The following LVRN variants were observed in gnomAD, a reference collection of about 807,000 sequenced individuals.
LVRN encodes the protein laeverin, also known as aminopeptidase Q.
Under a neutral mutation model 111.4 loss-of-function variants are expected in LVRN, and 99 were observed. The observed-to-expected ratio is 0.89, with a 90% CI of 0.76 to 1.05. The LOEUF (loss-of-function observed/expected upper bound fraction) is 1.05. Among genes scored for constraint, LVRN ranks in the 50% least tolerant of loss-of-function variants. The pLI is 0.00. For synonymous variants in LVRN, 488 were observed against 449.5 expected (o/e 1.09, Z -1.08); for missense variants, 1,414 against 1,206.8 (o/e 1.17, Z -2.54).
At chr5:115,974,243 T>C (rs1306521285) in intron 1 of LVRN, among the ~76,000 whole-genome samples, 1 of 152,230 alleles carries the variant, frequency 6.6e-6, no homozygotes, top group East Asian at 1.9e-4. Context: ...AAAAGGCTTA[T>C]GTATTTATAA....
intron 19 of LVRN, chr5:116,023,728 C>A (rs1297139271): frequency 6.6e-6 from 1 of 152,082 alleles, no homozygotes; most frequent in African/African-American, 2.4e-5. Flanking sequence ...TAAATACAAC[C>A]TCTACACACC....
intron 7 of LVRN, 60 bp downstream of exon 7, chr5:115,999,962 G>C (rs1748202536): frequency 6.6e-7 from 1 of 1,520,382 alleles, no homozygotes; most frequent in African/African-American, 1.4e-5. Context: ...GCATAAAATG[G>C]ATTCTAAGGG....
intron 1 of LVRN, among the ~76,000 whole-genome samples, chr5:115,981,827 G>T (rs1180275880): frequency 6.6e-6 from 1 of 152,086 alleles, no homozygotes; most frequent in Non-Finnish European, 1.5e-5. Flanking sequence ...TAGTTCATCT[G>T]TATCAAGAAT....
chr5:115,978,655 T>G lies in LVRN; in HGVS notation c.696-4632T>G, dbSNP rs370355815. On this transcript the variant is annotated intron_variant, in intron 1 of 19. Coordinates refer to ENST00000357872, the MANE Select transcript of LVRN (RefSeq NM_173800.5). ...AAACCTCTTTCTCTCCCACCTCCAT[T>G]TTTCTCCCATCTTCCACTCCCTACT... Among the ~76,000 whole-genome samples the G allele has an allele frequency of 2.0e-5, 3 of 152,280 alleles. No individual in the cohort carries two copies. The East Asian group carries it at 5.8e-4, about 29-fold the overall frequency.
intron 1 of LVRN, among the ~76,000 whole-genome samples, chr5:115,983,040 T>G (rs1279089838): frequency 6.6e-6 from 1 of 152,196 alleles, no homozygotes; most frequent in Admixed American, 6.5e-5. Flanking sequence ...AGGTTTACGA[T>G]GTAATAAAAC....
At chr5:116,001,883 T>G (rs561517111) in intron 10 of LVRN, among the ~76,000 whole-genome samples, 33 of 152,318 alleles carry the variant, frequency 2.2e-4, no homozygotes, top group African/African-American at 7.9e-4. Flanking sequence ...CCCAATAGAT[T>G]GTGTAAAAGT....
chr5:116,022,457 G>A lies in LVRN; in HGVS notation c.2823G>A (p.Gln941=). The A allele has an allele frequency of 6.5e-7, 1 of 1,548,054 alleles. No homozygotes were observed. The highest frequency in any genetic ancestry group is 1.7e-4 in the Middle Eastern group (1 of 5,880). Residue 941 remains glutamine (Q), a synonymous_variant, in exon 19 of 20, where the codon CAG becomes CAA. Transcript: ENST00000357872. ...GGAGAACCGTAACTACAGATTTACA[G>A]ATTGTGGAGGTAAGTACTTTAAATA... The part of the protein sequence containing the change: ...TIGRTVTTDL[Q]IVELQQFFSN...
chr5:115,972,630 A>C (rs1032949557), intron 1 of LVRN, among the ~76,000 whole-genome samples: 2 of 152,002 alleles, frequency 1.3e-5, no homozygotes, highest in African/African-American at 4.8e-5. Context: ...TACAACACTG[A>C]ATAGAAAAAG....
In LVRN at chr5:116,026,116, T is replaced by G; in HGVS notation, c.2971T>G (p.Ter991GluextTer13). 1 of 1,613,686 alleles carries G rather than the reference T, an allele frequency of 6.2e-7. No homozygotes were observed. Among genetic ancestry groups the G allele is most frequent in the Non-Finnish European group, 8.5e-7 (1 of 1,179,742 alleles). ...AGCTGCGTGGCTAAGGAGAAACACA[T>G]AGCTTGTGGCTATCTTTCAGCACTC... is the stretch of plus-strand genomic sequence containing the variant. Reference protein sequence around the residue: ...RIAAWLRRNT* With the variant: ...RIAAWLRRNTE Residue 991 changes from the stop codon to glutamate (E), a stop_lost, in exon 20 of 20, where the codon TAG (stop) becomes GAG (glutamate). Coordinates refer to ENST00000357872, the MANE Select transcript of LVRN (RefSeq NM_173800.5).
intron 1 of LVRN, among the ~76,000 whole-genome samples, chr5:115,977,783 T>C (rs541459429): frequency 1.3e-5 from 2 of 152,326 alleles, no homozygotes; most frequent in South Asian, 4.1e-4. Context: ...ATTAAGATGG[T>C]GGGACTCTTT....
chr5:115,997,091 T>C (rs749027993), intron 6 of LVRN, among the ~76,000 whole-genome samples: 1 of 152,182 alleles, frequency 6.6e-6, no homozygotes, highest in Non-Finnish European at 1.5e-5. Flanking sequence ...TAACCCTTAT[T>C]GAGCATGTCC....
chr5:116,002,325 A>C (rs1190526391), intron 10 of LVRN, among the ~76,000 whole-genome samples: 2 of 152,240 alleles, frequency 1.3e-5, no homozygotes, highest in Non-Finnish European at 2.9e-5. Flanking sequence ...GGTAGCGTCC[A>C]GCAATGTGGG....
At chr5:115,972,150 G>GAT (rs1283596871) in intron 1 of LVRN, among the ~76,000 whole-genome samples, 2 of 151,968 alleles carry the variant, frequency 1.3e-5, no homozygotes, top group Non-Finnish European at 2.9e-5. Context: ...CCAAAAGTTT[G>GAT]ATATATATAA....
At chr5:116,009,003 T>A (rs151256098) in intron 13 of LVRN, among the ~76,000 whole-genome samples, 1 of 152,360 alleles carries the variant, frequency 6.6e-6, no homozygotes, top group African/African-American at 2.4e-5. Context: ...CTTTTATAGC[T>A]AGAGAGGACA....
chr5:116,006,785 A>G (rs559193982), intron 13 of LVRN, among the ~76,000 whole-genome samples: 94 of 152,300 alleles, frequency 6.2e-4, no homozygotes, highest in African/African-American at 2.2e-3. Flanking sequence ...TTGCGGAAGG[A>G]CATGTTGATG....
chr5:115,971,928 A>G (rs1256630534), intron 1 of LVRN, among the ~76,000 whole-genome samples: 2 of 148,958 alleles, frequency 1.3e-5, no homozygotes, highest in Admixed American at 6.8e-5. Context: ...CAAATGTTAA[A>G]AATATTGAAG....
Position 116,010,790 on chromosome 5 carries a change from G to C in LVRN, c.2143G>C (p.Ala715Pro), listed in dbSNP as rs1300345978. The C allele has an allele frequency of 6.2e-7, 1 of 1,610,472 alleles. No individual in the cohort carries two copies. Among genetic ancestry groups the C allele is most frequent in the Non-Finnish European group, 8.5e-7 (1 of 1,178,764 alleles). Residue 715 changes from alanine (A) to proline (P), a missense_variant, in exon 14 of 20, where the codon GCT becomes CCT. Transcript: ENST00000357872. ...ETALELTKYL[A>P]EEDEIIVWHT... ...AGCACTTGAGTTAACCAAGTACCTT[G>C]CTGAAGAAGATGAAATTATAGTATG...
In LVRN at chr5:116,000,662, AT is replaced by A. The variant is rs746660466; in HGVS notation, c.1647+6del. On this transcript the variant is annotated splice_donor_5th_base_variant and intron_variant, in intron 9 of 19. Coordinates refer to ENST00000357872, the MANE Select transcript of LVRN (RefSeq NM_173800.5). ...TCTATGGAGGCATTTTCAAATGGTA[AT>A]TGTCCTACTTTCTGACACATTCTTG... 62 of 1,613,096 alleles carry A rather than the reference AT, an allele frequency of 3.8e-5. No homozygotes were observed. The highest frequency in any genetic ancestry group is 5.3e-5 in the Non-Finnish European group (62 of 1,179,410).
intron 2 of LVRN, among the ~76,000 whole-genome samples, chr5:115,983,978 C>T (rs1177657249): frequency 6.6e-6 from 1 of 152,150 alleles, no homozygotes; most frequent in Non-Finnish European, 1.5e-5. Context: ...CATCTAAAGG[C>T]AGGTTCCCAG....
Sources: allele counts gnomAD v4.1 joint callset (sites outside exome capture counted in the v4.1 genomes callset), GRCh38; gene constraint gnomAD v4.1.1; transcripts MANE v1.5; gene names NCBI Gene and HGNC (gene_info 2026-07-23, HGNC 2026-07-21).